Variants in FANCC observed in about 807,000 individuals in gnomAD.
The protein encoded by FANCC is Fanconi anemia group C protein.
A neutral mutation model predicts 71.3 loss-of-function variants in FANCC; 55 were observed. That is an observed-to-expected ratio of 0.77 (90% CI 0.62 to 0.97). The LOEUF (loss-of-function observed/expected upper bound fraction) is 0.97. FANCC is among the 50% of genes least tolerant of loss of function. FANCC has a pLI of 0.00. For synonymous variants in FANCC, 275 were observed against 244.9 expected (o/e 1.12, Z -1.15); for missense variants, 678 against 670.9 (o/e 1.01, Z -0.12).
At chr9:95,182,258 C>A (rs560587928) in intron 4 of FANCC, among the ~76,000 whole-genome samples, 1 of 150,994 alleles carries the variant, frequency 6.6e-6, no homozygotes, top group Non-Finnish European at 1.5e-5. Flanking sequence ...TGGTGGCTCA[C>A]GCCTGTAATC....
chr9:95,267,919 C>T (rs1832482963), intron 1 of FANCC, among the ~76,000 whole-genome samples: 1 of 152,186 alleles, frequency 6.6e-6, no homozygotes, highest in Admixed American at 6.5e-5. Context: ...GGAGAGGAAG[C>T]ACTCTGTCTT....
intron 4 of FANCC, among the ~76,000 whole-genome samples, chr9:95,223,102 A>T (rs1829383520): frequency 6.6e-6 from 1 of 152,182 alleles, no homozygotes; most frequent in East Asian, 1.9e-4. Context: ...CATGGTTAAC[A>T]TTTTTTTGTA....
chr9:95,310,321 C>T (rs927281198), intron 1 of FANCC, among the ~76,000 whole-genome samples: 2 of 151,172 alleles, frequency 1.3e-5, no homozygotes, highest in Non-Finnish European at 2.9e-5. Flanking sequence ...GAGCTATGTT[C>T]GTGCCACTGC....
chr9:95,176,225 T>C (rs1826001902), intron 4 of FANCC, among the ~76,000 whole-genome samples: 1 of 152,218 alleles, frequency 6.6e-6, no homozygotes, highest in Admixed American at 6.5e-5. Flanking sequence ...AACCTTATAA[T>C]GAACCTCCCT....
At chr9:95,175,784 T>G (rs952560213) in intron 4 of FANCC, among the ~76,000 whole-genome samples, 2 of 152,152 alleles carry the variant, frequency 1.3e-5, no homozygotes, top group Non-Finnish European at 2.9e-5. Flanking sequence ...GAATCCCCAG[T>G]GGGGTGCAGT....
rs4647412 is a variant in FANCC, at chr9:95,249,631, A to G, written c.-78-262T>C. Among the ~76,000 whole-genome samples, 4,982 of 152,314 alleles carry G rather than the reference A, an allele frequency of 0.033. 284 individuals are homozygous for G. Among genetic ancestry groups the G allele is most frequent in the African/African-American group, 0.11 (4,718 of 41,556 alleles). On this transcript the variant is annotated intron_variant, in intron 1 of 14. Transcript: ENST00000289081. ...CACGCTAATTATGCACAAAAAGCAC[A>G]GCTGATAATACTTTATATCTTCTTT...
chr9:95,123,174 G>C (rs902102046), intron 10 of FANCC, among the ~76,000 whole-genome samples: 2 of 151,996 alleles, frequency 1.3e-5, no homozygotes, highest in African/African-American at 4.8e-5. Flanking sequence ...GTGGTGGCTT[G>C]AACCTGTGGT....
Position 95,114,695 on chromosome 9 carries a change from T to G in FANCC, c.1088A>C (p.His363Pro). 2 of 1,614,168 alleles carry G rather than the reference T, an allele frequency of 1.2e-6. No individual in the cohort carries two copies. Among genetic ancestry groups the G allele is most frequent in the African/African-American group, 1.3e-5 (1 of 75,032 alleles). Residue 363 changes from histidine (H) to proline (P), a missense_variant, in exon 12 of 15, where the codon CAC (histidine) becomes CCC (proline). His to Pro is a moderately conservative substitution (Grantham distance 77). Coordinates refer to ENST00000289081, the MANE Select transcript of FANCC (RefSeq NM_000136.3). ...LQDPQDIPRGHWLQTLKHISE... is the reference protein window; with the variant it reads ...LQDPQDIPRGPWLQTLKHISE... ...AATATGCTTCAGTGTCTGGAGCCAG[T>G]GTCCCCGAGGGATATCTGCGGGTGG... is the stretch of plus-strand genomic sequence containing the variant.
chr9:95,137,163 G>A (rs1827822457), intron 7 of FANCC, among the ~76,000 whole-genome samples: 1 of 152,192 alleles, frequency 6.6e-6, no homozygotes, highest in South Asian at 2.1e-4. Context: ...CATGACTTTT[G>A]GGCCACTTCT....
chr9:95,286,750 T>G (rs567109941), intron 1 of FANCC, among the ~76,000 whole-genome samples: 3 of 152,308 alleles, frequency 2.0e-5, no homozygotes, highest in African/African-American at 7.2e-5. Flanking sequence ...TCAGACCCAG[T>G]GTCCAGCCAC....
chr9:95,312,881 G>T (rs1253576793), intron 1 of FANCC, among the ~76,000 whole-genome samples: 1 of 152,184 alleles, frequency 6.6e-6, no homozygotes, highest in Non-Finnish European at 1.5e-5. Context: ...TGTCTCTGTG[G>T]GTGCTGTACC....
At chr9:95,252,002 G>A (rs1236004777) in intron 1 of FANCC, among the ~76,000 whole-genome samples, 1 of 152,152 alleles carries the variant, frequency 6.6e-6, no homozygotes, top group Non-Finnish European at 1.5e-5. Flanking sequence ...AAGAGGCGGG[G>A]CACAGTGGCT....
chr9:95,154,245 CAAAA>C (rs58720791), intron 6 of FANCC, among the ~76,000 whole-genome samples: 1 of 49,958 alleles, frequency 2.0e-5, no homozygotes, highest in African/African-American at 7.7e-5. Flanking sequence ...GACTCCGTCT[CAAAA>C]AAAAAAAAAA....
chr9:95,104,436 A>G (rs534147435), intron 14 of FANCC, among the ~76,000 whole-genome samples: 107 of 152,222 alleles, frequency 7.0e-4, no homozygotes, highest in Non-Finnish European at 1.4e-3. Context: ...GTGATGACAA[A>G]GCACTGGGGC....
intron 6 of FANCC, among the ~76,000 whole-genome samples, chr9:95,164,203 C>G (rs1408968871): frequency 6.6e-6 from 1 of 152,146 alleles, no homozygotes; most frequent in Non-Finnish European, 1.5e-5. Context: ...AAAATCATGT[C>G]ATCTGTGAAC....
chr9:95,214,400 C>T (rs945040809), intron 4 of FANCC, among the ~76,000 whole-genome samples: 4 of 152,068 alleles, frequency 2.6e-5, no homozygotes, highest in African/African-American at 9.7e-5. Flanking sequence ...TTACTGCACT[C>T]TAGCCTGGGA....
intron 4 of FANCC, among the ~76,000 whole-genome samples, chr9:95,177,097 C>T (rs1177412139): frequency 6.6e-6 from 1 of 152,216 alleles, no homozygotes; most frequent in East Asian, 1.9e-4. Flanking sequence ...AGAAATGCTT[C>T]GTTAGGCAGT....
At chr9:95,263,704 T>G (rs1023081401) in intron 1 of FANCC, among the ~76,000 whole-genome samples, 138 of 151,758 alleles carry the variant, frequency 9.1e-4, no homozygotes, top group African/African-American at 3.3e-3. Context: ...CGAATGCGAG[T>G]CGAAAAGGCA....
intron 7 of FANCC, among the ~76,000 whole-genome samples, chr9:95,144,360 C>T (rs1031351297): frequency 2.0e-5 from 3 of 152,216 alleles, no homozygotes; most frequent in Non-Finnish European, 4.4e-5. Flanking sequence ...GCAGACATAA[C>T]TTTCCAAACC....
Sources: allele counts gnomAD v4.1 joint callset (sites outside exome capture counted in the v4.1 genomes callset), GRCh38; gene constraint gnomAD v4.1.1; transcripts MANE v1.5; gene names NCBI Gene and HGNC (gene_info 2026-07-23, HGNC 2026-07-21).